The following DROSHA variants were observed in gnomAD, a reference collection of about 807,000 sequenced individuals.
The protein encoded by DROSHA is ribonuclease 3.
A neutral mutation model predicts 181.9 loss-of-function variants in DROSHA; 56 were observed. The observed-to-expected ratio is 0.31, with a 90% CI of 0.25 to 0.38. DROSHA has a LOEUF of 0.38. DROSHA is among the 10% of genes least tolerant of loss of function. The pLI, the probability that DROSHA is intolerant of heterozygous loss-of-function variation, is 1.00. For missense variants in DROSHA, 1,218 were observed against 1,743.5 expected (o/e 0.70, Z 5.37); for synonymous variants, 524 against 591.2 (o/e 0.89, Z 1.65).
At position 31,445,043 on chromosome 5, in the gene DROSHA, C is replaced by T. The variant is rs531465482; in HGVS notation, c.2882+3504G>A. 9.2e-5 allele frequency among the ~76,000 whole-genome samples: 14 copies of T among 152,326 alleles called. No homozygotes were observed. In the East Asian group the frequency reaches 1.5e-3, roughly 17 times the overall value. On this transcript the variant is annotated intron_variant, in intron 23 of 35. Transcript: ENST00000344624. ...CAGTGGGCAGCTGAAGTAATTGCCT[C>T]GATTTTCTGTCACTTCCAGCCCAAC...
intron 16 of DROSHA, among the ~76,000 whole-genome samples, chr5:31,477,579 G>T (rs1750541956): frequency 6.6e-6 from 1 of 152,216 alleles, no homozygotes; most frequent in South Asian, 2.1e-4. Context: ...AGCCACACCT[G>T]AGAACTACTG....
chr5:31,405,594 A>G, intron 35 of DROSHA, 83 bp downstream of exon 35: 4 of 1,210,018 alleles, frequency 3.3e-6, no homozygotes, highest in Non-Finnish European at 3.5e-6. Flanking sequence ...ATCAATACTT[A>G]CCATTTTTCT....
At chr5:31,451,370 TG>T (rs1363632247) in intron 21 of DROSHA, among the ~76,000 whole-genome samples, 162 bp downstream of exon 21, 1 of 152,212 alleles carries the variant, frequency 6.6e-6, no homozygotes, top group African/African-American at 2.4e-5. Flanking sequence ...GAGAATGGGC[TG>T]GAAAGCAGCA....
chr5:31,519,860 G>A (rs772353055), intron 6 of DROSHA, among the ~76,000 whole-genome samples: 3 of 152,158 alleles, frequency 2.0e-5, no homozygotes, highest in Non-Finnish European at 4.4e-5. Flanking sequence ...TTCTATCCAT[G>A]CAGTCTTGGA....
intron 30 of DROSHA, among the ~76,000 whole-genome samples, chr5:31,419,618 A>C (rs1204647388): frequency 1.3e-5 from 2 of 152,170 alleles, no homozygotes; most frequent in Non-Finnish European, 2.9e-5. Context: ...GGTGGGAAAC[A>C]ATAAACTTCC....
intron 25 of DROSHA, among the ~76,000 whole-genome samples, chr5:31,432,872 T>C (rs1744341569): frequency 6.6e-6 from 1 of 152,240 alleles, no homozygotes; most frequent in South Asian, 2.1e-4. Flanking sequence ...TCCAGCCTTT[T>C]AGAACTAGAC....
At chr5:31,473,739 C>T (rs75931396) in intron 16 of DROSHA, among the ~76,000 whole-genome samples, 3,183 of 152,196 alleles carry the variant, frequency 0.021, 41 homozygotes, top group Middle Eastern at 0.061. Flanking sequence ...TTGAAAGGAG[C>T]AAGGGAGGCT....
chr5:31,404,022 A>T (rs1298939246), intron 35 of DROSHA, among the ~76,000 whole-genome samples: 1 of 151,550 alleles, frequency 6.6e-6, no homozygotes, highest in Non-Finnish European at 1.5e-5. Context: ...GGCTCAAGTG[A>T]TCCTCTGGCC....
chr5:31,493,937 T>TGTG (rs1554041127), intron 12 of DROSHA, among the ~76,000 whole-genome samples: 22,039 of 144,708 alleles, frequency 0.15, 1,940 homozygotes, highest in East Asian at 0.24. Context: ...TAACCCACCA[T>TGTG]TGTGTGTGTG....
Position 31,526,469 on chromosome 5 carries a change from G to C in DROSHA, c.464C>G (p.Pro155Arg). The change falls in exon 5 of 36, where the codon CCG becomes CGG. Residue 155 changes from proline (P) to arginine (R), a missense_variant. Physicochemically the swap from Pro to Arg is moderately radical, Grantham distance 103 (BLOSUM62 -2). This residue lies in a region of DROSHA where 536 missense variants were observed against 535.4 expected (regional missense o/e 1.00). Transcript: ENST00000344624. ...MMPPPSMPHP[P>R]PPPVMPQQVN... Reference sequence around the variant, plus strand: ...CTGCTGCGGCATGACTGGAGGGGGCGGGGGATGAGGCATGGAGGGAGGGGG... The same window carrying C: ...CTGCTGCGGCATGACTGGAGGGGGCCGGGGATGAGGCATGGAGGGAGGGGG... 6.2e-7 allele frequency: 1 copy of C among 1,608,490 alleles called. No individual in the cohort carries two copies. Among genetic ancestry groups the C allele is most frequent in the Non-Finnish European group, 8.5e-7 (1 of 1,176,684 alleles).
chr5:31,407,760 T>C (rs972646027), intron 33 of DROSHA, among the ~76,000 whole-genome samples: 3 of 152,200 alleles, frequency 2.0e-5, no homozygotes, highest in Non-Finnish European at 2.9e-5. Flanking sequence ...GTACGCTCCA[T>C]GGGATGAATG....
At chr5:31,446,150 C>A (rs554572640) in intron 23 of DROSHA, among the ~76,000 whole-genome samples, 33 of 152,152 alleles carry the variant, frequency 2.2e-4, no homozygotes, top group Middle Eastern at 3.4e-3. Flanking sequence ...AAATGAAATT[C>A]AGAAAATAAT....
chr5:31,437,391 G>C, intron 23 of DROSHA, 93 bp from the exon 24 acceptor site: 1 of 1,131,998 alleles, frequency 8.8e-7, no homozygotes, highest in Non-Finnish European at 1.2e-6. Context: ...ATGAGGGTTA[G>C]CTCCTTTAGT....
intron 25 of DROSHA, among the ~76,000 whole-genome samples, chr5:31,432,623 G>A (rs1744319289): frequency 6.6e-6 from 1 of 152,150 alleles, no homozygotes; most frequent in South Asian, 2.1e-4. Flanking sequence ...GAATTGGATT[G>A]ATCTTAAGGG....
rs191539851 is a variant in DROSHA at position 31,511,494 on chromosome 5, C to T, written c.1291-318G>A. ...GCAGAGGCAGGAGGATTGCTCGAGG[C>T]CAGGAGTTCAAGACCAGCCTGGGCA... On this transcript the variant is annotated intron_variant, in intron 8 of 35. Coordinates refer to ENST00000344624, the MANE Select transcript of DROSHA (RefSeq NM_001382508.1). Among the ~76,000 whole-genome samples the T allele has an allele frequency of 4.0e-3, 609 of 152,074 alleles. 10 individuals carry two copies. The highest frequency in any genetic ancestry group is 5.6e-3 in the South Asian group (27 of 4,822).
rs186671527 is a variant in DROSHA at position 31,440,675 on chromosome 5, G to C, written c.2883-3377C>G. ...GCAACCATAACCCAAAATCCAAAGT[G>C]TTCCAAAATTTGAAACTCTTCAGTG... On this transcript the variant is annotated intron_variant, in intron 23 of 35. Transcript: ENST00000344624. Among the ~76,000 whole-genome samples the C allele has an allele frequency of 3.3e-5, 5 of 152,266 alleles. No homozygotes were observed. In the East Asian group the frequency reaches 9.6e-4, roughly 29 times the overall value.
chr5:31,407,912 T>C (rs551293254), intron 33 of DROSHA, among the ~76,000 whole-genome samples: 2 of 152,302 alleles, frequency 1.3e-5, no homozygotes, highest in South Asian at 4.1e-4. Context: ...GAATACAGTT[T>C]GGATATTCAT....
At chr5:31,432,058 C>CA (rs1320565493) in intron 25 of DROSHA, among the ~76,000 whole-genome samples, 4 of 152,078 alleles carry the variant, frequency 2.6e-5, no homozygotes, top group Non-Finnish European at 4.4e-5. Context: ...AAACCTAACA[C>CA]AAACTTCTGA....
chr5:31,523,381 C>G (rs925287863), intron 5 of DROSHA, among the ~76,000 whole-genome samples: 2 of 152,170 alleles, frequency 1.3e-5, no homozygotes. Context: ...GTAATTCTTA[C>G]GACACTTGAT....
Sources: gnomAD v4.1 joint callset for allele counts (sites outside exome capture counted in the v4.1 genomes callset) on GRCh38, gnomAD v4.1.1 for gene constraint, gnomAD v4.1.1 regional missense constraint, MANE v1.5 for transcripts, NCBI Gene and HGNC (gene_info 2026-07-23, HGNC 2026-07-21) for gene names.